The following LPXN variants were observed in gnomAD, a reference collection of about 807,000 sequenced individuals.
The protein encoded by LPXN is leupaxin.
LPXN carries 28 observed loss-of-function variants against 45.6 expected under a neutral mutation model. The observed-to-expected ratio is 0.61, with a 90% CI of 0.45 to 0.84. The LOEUF (loss-of-function observed/expected upper bound fraction) is 0.84, where lower values mean the gene tolerates loss of function less well. Ranked by LOEUF, LPXN falls within the 40% of genes least tolerant of loss-of-function variation. LPXN has a pLI of 0.00. For synonymous variants in LPXN, 166 were observed against 169.9 expected (o/e 0.98, Z 0.18); for missense variants, 459 against 475.0 (o/e 0.97, Z 0.31).
rs542340966 is a variant in LPXN, at chr11:58,536,559, G to A, written c.743-8368C>T. Among the ~76,000 whole-genome samples, 28 of 152,204 alleles carry A rather than the reference G, an allele frequency of 1.8e-4. 1 individual carries two copies. The highest frequency in any genetic ancestry group is 3.1e-4 in the Non-Finnish European group (21 of 68,008). The stretch of plus-strand genomic sequence containing the variant: ...AAGACCTAAAACCATAAAATTCCTA[G>A]AAGAAAACCTAGGCAATACCATTCA... On this transcript the variant is annotated intron_variant, in intron 7 of 8. Transcript: ENST00000395074.
intron 7 of LPXN, among the ~76,000 whole-genome samples, chr11:58,541,492 A>G (rs1177485296): frequency 1.3e-5 from 2 of 151,862 alleles, no homozygotes; most frequent in East Asian, 3.9e-4. Context: ...ACAATGAGAT[A>G]CCATCTCACA....
intron 2 of LPXN, among the ~76,000 whole-genome samples, chr11:58,564,987 T>A (rs889166767): frequency 1.3e-5 from 2 of 151,320 alleles, no homozygotes; most frequent in African/African-American, 4.9e-5. Flanking sequence ...AGAAGGAGAG[T>A]GTGGCCTGAG....
At chr11:58,541,150 C>CA (rs1374786281) in intron 7 of LPXN, among the ~76,000 whole-genome samples, 3 of 151,888 alleles carry the variant, frequency 2.0e-5, no homozygotes, top group African/African-American at 7.3e-5. Context: ...ATGTCTAAAA[C>CA]AAAAAAAGCA....
intron 3 of LPXN, among the ~76,000 whole-genome samples, chr11:58,556,252 A>G (rs1331882971): frequency 6.6e-6 from 1 of 152,070 alleles, no homozygotes; most frequent in Non-Finnish European, 1.5e-5. Context: ...AAAAAGATTA[A>G]TATAATTCAT....
intron 3 of LPXN, among the ~76,000 whole-genome samples, chr11:58,561,931 G>A (rs1470470020): frequency 6.6e-6 from 1 of 152,206 alleles, no homozygotes; most frequent in Non-Finnish European, 1.5e-5. Flanking sequence ...GAAAAGAGAA[G>A]AACCTTTGAT....
intron 7 of LPXN, among the ~76,000 whole-genome samples, chr11:58,540,319 A>C (rs1192031260): frequency 5.3e-5 from 8 of 152,184 alleles, no homozygotes; most frequent in Non-Finnish European, 1.5e-5. Context: ...TTTGAGAGAC[A>C]AAACAGCAAA....
At chr11:58,569,466 G>A (rs1854618717) in intron 2 of LPXN, among the ~76,000 whole-genome samples, 1 of 151,728 alleles carries the variant, frequency 6.6e-6, no homozygotes, top group Non-Finnish European at 1.5e-5. Context: ...ATAGCTCACT[G>A]CAGCCTCGAC....
chr11:58,546,683 T>C (rs1853884081), intron 7 of LPXN, among the ~76,000 whole-genome samples: 1 of 152,196 alleles, frequency 6.6e-6, no homozygotes. Context: ...TCTATATCCA[T>C]GGAGTTTGCA....
chr11:58,545,433 T>A (rs773752402), intron 7 of LPXN, among the ~76,000 whole-genome samples: 3 of 152,218 alleles, frequency 2.0e-5, no homozygotes, highest in Admixed American at 1.3e-4. Context: ...CTCAACTAAT[T>A]CTCAGACTTT....
Position 58,527,633 on chromosome 11 carries a change from G to A in LPXN, c.982C>T (p.Leu328Phe). The change falls in exon 9 of 9, where the codon CTC becomes TTC. Residue 328 changes from leucine to phenylalanine, a missense_variant. Coordinates refer to ENST00000395074, the MANE Select transcript of LPXN (RefSeq NM_004811.3). ...ATGGGCTGCCCACACCCATGGCAGA[G>A]CGTTCCCCGGCGGTGATGGTAATGG... ...ELHYHHRRGTLCHGCGQPITG... is the reference protein window; with the variant it reads ...ELHYHHRRGTFCHGCGQPITG... 2 of 1,614,222 alleles carry A rather than the reference G, an allele frequency of 1.2e-6. No homozygotes were observed. The highest frequency in any genetic ancestry group is 1.3e-5 in the African/African-American group (1 of 75,056).
At chr11:58,538,921 A>G (rs1285681202) in intron 7 of LPXN, among the ~76,000 whole-genome samples, 1 of 152,128 alleles carries the variant, frequency 6.6e-6, no homozygotes, top group East Asian at 1.9e-4. Flanking sequence ...ACAAATAATC[A>G]AACAAATCAA....
intron 3 of LPXN, among the ~76,000 whole-genome samples, chr11:58,560,324 A>G (rs1164513253): frequency 2.6e-5 from 4 of 152,246 alleles, no homozygotes; most frequent in Non-Finnish European, 5.9e-5. Flanking sequence ...AAATATAGTC[A>G]CAGTGTAGAG....
upstream of LPXN, chr11:58,577,868 T>C (rs1854951127): frequency 1.1e-6 from 1 of 908,478 alleles, no homozygotes; most frequent in Non-Finnish European, 1.6e-6. Flanking sequence ...CAAGGTCTAG[T>C]AGAAAAGCAA....
rs1346154305 is a variant in LPXN, at chr11:58,549,875, G to A, written c.661-8C>T. On this transcript the variant is annotated splice_region_variant and splice_polypyrimidine_tract_variant and intron_variant, in intron 6 of 8. Transcript: ENST00000395074. ...CATTGCTGTCAGCACTTTCTGGAAA[G>A]GGAACACACAGATATTATAATGATG... 6.2e-7 allele frequency: 1 copy of A among 1,614,102 alleles called. No homozygotes were observed. The highest frequency in any genetic ancestry group is 8.5e-7 in the Non-Finnish European group (1 of 1,179,932).
chr11:58,572,893 A>C (rs1171463923), intron 1 of LPXN, among the ~76,000 whole-genome samples: 1 of 152,246 alleles, frequency 6.6e-6, no homozygotes, highest in Non-Finnish European at 1.5e-5. Flanking sequence ...GAATTCATTA[A>C]ACTATTTTCT....
intron 3 of LPXN, among the ~76,000 whole-genome samples, chr11:58,557,834 T>C (rs1418203700): frequency 6.6e-6 from 1 of 152,190 alleles, no homozygotes; most frequent in Non-Finnish European, 1.5e-5. Flanking sequence ...ACCTTAAATA[T>C]GCACAATAAA....
intron 7 of LPXN, among the ~76,000 whole-genome samples, chr11:58,536,813 GAAAA>G (rs888757776): frequency 1.4e-5 from 2 of 141,102 alleles, no homozygotes; most frequent in Non-Finnish European, 3.1e-5. Context: ...AAATTTACAA[GAAAA>G]AAAAACAACC....
chr11:58,555,795 T>A (rs1854186159), intron 3 of LPXN, among the ~76,000 whole-genome samples: 1 of 150,374 alleles, frequency 6.7e-6, no homozygotes, highest in South Asian at 2.1e-4. Context: ...CACACACGCC[T>A]TTGGGAGTTG....
At chr11:58,549,250 C>T (rs564968586) in intron 7 of LPXN, among the ~76,000 whole-genome samples, 14 of 152,128 alleles carry the variant, frequency 9.2e-5, no homozygotes, top group Middle Eastern at 3.4e-3. Flanking sequence ...AAAAATTAAC[C>T]GGGTGTGGTG....
Sources: gnomAD v4.1 joint callset for allele counts (sites outside exome capture counted in the v4.1 genomes callset) on GRCh38, gnomAD v4.1.1 for gene constraint, MANE v1.5 for transcripts, NCBI Gene and HGNC (gene_info 2026-07-23, HGNC 2026-07-21) for gene names.